Variants in KHDRBS2 observed in about 807,000 individuals in gnomAD.
KHDRBS2 encodes the protein KH domain-containing, RNA-binding, signal transduction-associated protein 2.
Under a neutral mutation model 44.3 loss-of-function variants are expected in KHDRBS2, and 26 were observed. The observed-to-expected ratio is 0.59, with a 90% CI of 0.43 to 0.81. The LOEUF is 0.81. KHDRBS2 is among the 40% of genes least tolerant of loss of function. The pLI, the probability that KHDRBS2 is intolerant of heterozygous loss-of-function variation, is 0.00. For synonymous variants in KHDRBS2, 194 were observed against 151.1 expected, an observed-to-expected ratio of 1.28 and a Z score of -2.08; for missense variants, 476 against 433.1, an observed-to-expected ratio of 1.10 and a Z score of -0.88.
chr6:62,236,087 T>G (rs1345078570), intron 1 of KHDRBS2, among the ~76,000 whole-genome samples: 1 of 152,118 alleles, frequency 6.6e-6, no homozygotes, highest in Non-Finnish European at 1.5e-5. Flanking sequence ...ATTTTCAAAA[T>G]AATTTTCTTG....
the KHDRBS2 span, among the ~76,000 whole-genome samples, chr6:61,668,328 C>A: frequency 6.6e-6 from 1 of 150,932 alleles, no homozygotes; most frequent in South Asian, 2.1e-4. Context: ...TCTAAAAATA[C>A]AAATTTTATT....
chr6:61,992,350 C>T (rs538866926), intron 3 of KHDRBS2, among the ~76,000 whole-genome samples: 1 of 152,238 alleles, frequency 6.6e-6, no homozygotes, highest in African/African-American at 2.4e-5. Context: ...TTAGAAATTA[C>T]CATCCTCTTT....
the KHDRBS2 span, among the ~76,000 whole-genome samples, chr6:61,626,343 G>A: frequency 6.6e-6 from 1 of 152,210 alleles, no homozygotes; most frequent in African/African-American, 2.4e-5. Flanking sequence ...AGGCTGGTTG[G>A]TCTTCTGTTG....
At chr6:62,197,819 T>A (rs60962008) in intron 1 of KHDRBS2, among the ~76,000 whole-genome samples, 4,511 of 152,152 alleles carry the variant, frequency 0.03, 169 homozygotes, top group African/African-American at 0.098. Context: ...TATTCCAAAA[T>A]TGACCACATA....
At chr6:62,285,797 T>A in intron 1 of KHDRBS2, 61 bp downstream of exon 1, 1 of 1,226,750 alleles carries the variant, frequency 8.2e-7, no homozygotes, top group East Asian at 2.4e-5. Flanking sequence ...ACTCCCCTAA[T>A]CAAGCCGCGG....
intron 2 of KHDRBS2, among the ~76,000 whole-genome samples, chr6:62,135,212 G>A (rs185346079): frequency 5.3e-5 from 8 of 152,266 alleles, no homozygotes; most frequent in Middle Eastern, 3.4e-3. Context: ...TACTGTTCTC[G>A]TGGTAGTAAG....
intron 4 of KHDRBS2, among the ~76,000 whole-genome samples, chr6:61,954,311 A>T: frequency 6.6e-6 from 1 of 151,166 alleles, no homozygotes; most frequent in South Asian, 2.1e-4. Context: ...ATATATACAT[A>T]TACATACATA....
intron 2 of KHDRBS2, among the ~76,000 whole-genome samples, chr6:62,084,247 T>C (rs941681773): frequency 6.6e-6 from 1 of 152,308 alleles, no homozygotes; most frequent in Non-Finnish European, 1.5e-5. Flanking sequence ...TGGTTTAATG[T>C]CTTCCGTCTT....
the KHDRBS2 span, among the ~76,000 whole-genome samples, chr6:61,636,406 C>T: frequency 2.6e-5 from 4 of 152,026 alleles, no homozygotes; most frequent in African/African-American, 4.8e-5. Flanking sequence ...TCTTGAAATG[C>T]TCTCCTCTTC....
intron 7 of KHDRBS2, among the ~76,000 whole-genome samples, chr6:61,704,365 GT>G (rs1241614776): frequency 6.6e-6 from 1 of 151,754 alleles, no homozygotes; most frequent in Non-Finnish European, 1.5e-5. Flanking sequence ...TGTTGTTGTT[GT>G]TTTTCATCGT....
chr6:62,085,562 A>G (rs1798227243), intron 2 of KHDRBS2, among the ~76,000 whole-genome samples: 1 of 152,192 alleles, frequency 6.6e-6, no homozygotes. Flanking sequence ...CTAGAAGTCA[A>G]GAGTTTAATG....
chr6:61,814,160 A>T, intron 6 of KHDRBS2: 1 of 422,328 alleles, frequency 2.4e-6, no homozygotes, highest in Non-Finnish European at 4.7e-6. Context: ...AACAGATATC[A>T]AGTGAATTCT....
chr6:61,646,784 A>T, the KHDRBS2 span, among the ~76,000 whole-genome samples: 2 of 152,236 alleles, frequency 1.3e-5, no homozygotes, highest in South Asian at 4.2e-4. Flanking sequence ...ATTAGCAAAG[A>T]ACAAGCAGAA....
chr6:61,746,401 T>C (rs1776863800), intron 6 of KHDRBS2, among the ~76,000 whole-genome samples: 1 of 152,110 alleles, frequency 6.6e-6, no homozygotes, highest in African/African-American at 2.4e-5. Flanking sequence ...AGTGAGAACA[T>C]GCTGTGTTTG....
At chr6:61,637,616 T>G in the KHDRBS2 span, among the ~76,000 whole-genome samples, 2 of 152,100 alleles carry the variant, frequency 1.3e-5, no homozygotes, top group African/African-American at 4.8e-5. Flanking sequence ...CACACTGACT[T>G]CCACAATGGT....
At chr6:62,177,946 T>C (rs1418033118) in intron 1 of KHDRBS2, among the ~76,000 whole-genome samples, 1 of 151,344 alleles carries the variant, frequency 6.6e-6, no homozygotes, top group Non-Finnish European at 1.5e-5. Context: ...AGCATACTTA[T>C]CCACTCCTTC....
chr6:61,563,128 C>A, the KHDRBS2 span, among the ~76,000 whole-genome samples: 1 of 152,118 alleles, frequency 6.6e-6, no homozygotes, highest in Admixed American at 6.6e-5. Context: ...CTATCTTTCT[C>A]CTCTACCAGT....
At chr6:61,768,388 G>T (rs1373645835) in intron 6 of KHDRBS2, among the ~76,000 whole-genome samples, 1 of 151,940 alleles carries the variant, frequency 6.6e-6, no homozygotes, top group East Asian at 1.9e-4. Context: ...CTTAAATATT[G>T]ATATATTTCT....
intron 2 of KHDRBS2, among the ~76,000 whole-genome samples, chr6:62,152,932 A>G (rs1159131641): frequency 6.6e-6 from 1 of 152,224 alleles, no homozygotes; most frequent in Non-Finnish European, 1.5e-5. Flanking sequence ...AGATTCTATG[A>G]ACACAGCAGG....
Sources: allele counts gnomAD v4.1 joint callset (sites outside exome capture counted in the v4.1 genomes callset), GRCh38; gene constraint gnomAD v4.1.1; transcripts MANE v1.5; gene names NCBI Gene and HGNC (gene_info 2026-07-23, HGNC 2026-07-21).